The following MAP4K4 variants were observed in gnomAD, a reference collection of about 807,000 sequenced individuals.
MAP4K4 encodes HPK/GCK-like kinase HGK.
In MAP4K4, 38 loss-of-function variants were observed where a neutral mutation model predicts 189.6. The ratio of observed to expected loss-of-function variants is 0.20; its 90% CI spans 0.15 to 0.26. The LOEUF is 0.26. Among genes scored for constraint, MAP4K4 ranks in the 10% least tolerant of loss-of-function variants. The probability of loss-of-function intolerance (pLI) is 1.00; values close to 1 mark genes in which losing one functional copy is unlikely to be tolerated. For synonymous variants in MAP4K4, 610 were observed against 624.3 expected (o/e 0.98, Z 0.34); for missense variants, 1,054 against 1,726.9 (o/e 0.61, Z 6.91).
exon 4 of MAP4K4, chr2:101,823,987 A>G: frequency 6.2e-7 from 1 of 1,610,958 alleles, no homozygotes; most frequent in Non-Finnish European, 8.5e-7. Context: ...CTCATCACAG[A>G]AACATTGCAA....
At chr2:101,762,822 G>A (rs1273253949) in intron 2 of MAP4K4, among the ~76,000 whole-genome samples, 2 of 152,186 alleles carry the variant, frequency 1.3e-5, no homozygotes, top group Admixed American at 6.5e-5. Flanking sequence ...CTGTGTGGGT[G>A]TAATTGGAAC....
intron 18 of MAP4K4, 33 bp from the exon 19 acceptor site, chr2:101,866,395 C>T (rs1200738577): frequency 6.3e-7 from 1 of 1,590,732 alleles, no homozygotes. Context: ...AGAGATGACA[C>T]ATTAGCTGTT....
chr2:101,893,427 G>A, exon 33 of MAP4K4: 1 of 348,278 alleles, frequency 2.9e-6, no homozygotes, highest in South Asian at 2.2e-5. Flanking sequence ...GAGGTAGGCT[G>A]GATTCCATCG....
At chr2:101,831,500 C>T (rs1246347963) in intron 6 of MAP4K4, among the ~76,000 whole-genome samples, 3 of 150,946 alleles carry the variant, frequency 2.0e-5, no homozygotes, top group African/African-American at 7.3e-5. Context: ...CCAGGCCTCA[C>T]AGAAGCTTCC....
rs771535878 is a variant in MAP4K4, at chr2:101,863,964, C to T, written c.2010C>T (p.Leu670=). 2.2e-6 allele frequency: 3 copies of T among 1,367,672 alleles called. No individual in the cohort carries two copies. In the East Asian group the frequency reaches 1.4e-4, roughly 62 times the overall value. The allele number at this position is 1,367,672 out of a possible 1,614,324, so 84.7% of individuals were successfully genotyped here. A position where few individuals can be genotyped will look rare whatever the true frequency, so the allele number is the denominator to read the frequency against. ...GTCCACCTTCCCGCAGTGAGGTGCT[C>T]AGTCAGAGCTCTGACTCTAAGTCAG... Residue 670 remains leucine (L), a synonymous_variant, in exon 17 of 33, where the codon CTC becomes CTT. Coordinates refer to ENST00000324219, the Ensembl canonical transcript of MAP4K4.
exon 17 of MAP4K4, chr2:101,863,888 G>C: frequency 2.2e-6 from 3 of 1,367,674 alleles, no homozygotes; most frequent in Non-Finnish European, 2.9e-6. Context: ...CATTCCTTCA[G>C]TGACCCTTCT....
At chr2:101,874,134 C>G (rs372121417) in exon 26 of MAP4K4, 425 of 1,613,726 alleles carry the variant, frequency 2.6e-4, no homozygotes, top group Non-Finnish European at 3.4e-4. Flanking sequence ...AAGATCCTAC[C>G]CGGAAAGGCT....
At chr2:101,894,060 A>G (rs1370388780) in exon 33 of MAP4K4, 2 of 152,352 alleles carry the variant, frequency 1.3e-5, no homozygotes, top group African/African-American at 4.8e-5. Context: ...TTTCTCCGTT[A>G]AAGATTGGGA....
intron 2 of MAP4K4, among the ~76,000 whole-genome samples, chr2:101,730,947 T>C (rs950715508): frequency 1.3e-5 from 2 of 151,374 alleles, no homozygotes; most frequent in Non-Finnish European, 2.9e-5. Context: ...CTCGGGAGCC[T>C]GCGCAGGAGA....
rs1172300981 is a variant in MAP4K4 at position 101,823,921 on chromosome 2, T to G, written c.181-7T>G. 1.8e-5 allele frequency: 28 copies of G among 1,591,410 alleles called. No individual in the cohort carries two copies. The highest frequency in any genetic ancestry group is 2.4e-5 in the Non-Finnish European group (28 of 1,169,012). ...AGCCACACATTTTATTTTTATTTTT[T>G]CATAAGGATGAAGAGGAAGAAATCA... On this transcript the variant is annotated splice_polypyrimidine_tract_variant and splice_region_variant and intron_variant, in intron 3 of 32. Coordinates refer to ENST00000324219, the Ensembl canonical transcript of MAP4K4.
At chr2:101,699,984 CTGT>C (rs2037371424) in intron 2 of MAP4K4, among the ~76,000 whole-genome samples, 1 of 152,220 alleles carries the variant, frequency 6.6e-6, no homozygotes, top group Non-Finnish European at 1.5e-5. Flanking sequence ...TCTCCCCGGT[CTGT>C]TGTTTGTTTA....
intron 26 of MAP4K4, 80 bp downstream of exon 26, chr2:101,874,332 A>G: frequency 7.6e-7 from 1 of 1,312,744 alleles, no homozygotes; most frequent in Non-Finnish European, 1.1e-6. Context: ...ACTGCATTGA[A>G]TAGTTTGTGG....
chr2:101,889,662 G>A (rs1162641208), intron 32 of MAP4K4, among the ~76,000 whole-genome samples: 1 of 152,116 alleles, frequency 6.6e-6, no homozygotes, highest in Non-Finnish European at 1.5e-5. Flanking sequence ...CTTCTGCCCA[G>A]TCAGACAAAG....
At chr2:101,730,108 G>A (rs1476797440) in intron 2 of MAP4K4, among the ~76,000 whole-genome samples, 1 of 152,158 alleles carries the variant, frequency 6.6e-6, no homozygotes, top group African/African-American at 2.4e-5. Flanking sequence ...GGAAAGTAAA[G>A]GCTTATTATA....
chr2:101,881,009 A>G (rs1412587325), intron 27 of MAP4K4, among the ~76,000 whole-genome samples: 2 of 152,150 alleles, frequency 1.3e-5, no homozygotes, highest in African/African-American at 2.4e-5. Context: ...GATATGTACA[A>G]AATAACTTGG....
At chr2:101,785,007 A>G (rs2089922480) in intron 2 of MAP4K4, among the ~76,000 whole-genome samples, 1 of 152,196 alleles carries the variant, frequency 6.6e-6, no homozygotes, top group South Asian at 2.1e-4. Context: ...AGTAGGGCCA[A>G]CATGGTTCCT....
chr2:101,819,855 C>A (rs909026140), intron 3 of MAP4K4, among the ~76,000 whole-genome samples: 1 of 152,202 alleles, frequency 6.6e-6, no homozygotes, highest in Non-Finnish European at 1.5e-5. Flanking sequence ...GTCGACAGTG[C>A]TTCATGGTTT....
intron 12 of MAP4K4, among the ~76,000 whole-genome samples, chr2:101,845,189 A>T (rs915981467): frequency 2.6e-4 from 22 of 84,362 alleles, no homozygotes; most frequent in Admixed American, 2.4e-3. Context: ...AAATAAAAAT[A>T]AAAAAAAAAA....
intron 2 of MAP4K4, among the ~76,000 whole-genome samples, chr2:101,710,278 G>A (rs2044676587): frequency 6.6e-6 from 1 of 152,206 alleles, no homozygotes; most frequent in Non-Finnish European, 1.5e-5. Flanking sequence ...ATTCCAGTTT[G>A]AACTTGGCAT....
Sources: gnomAD v4.1 joint callset for allele counts (sites outside exome capture counted in the v4.1 genomes callset) on GRCh38, gnomAD v4.1.1 for gene constraint, MANE v1.5 for transcripts, NCBI Gene and HGNC (gene_info 2026-07-23, HGNC 2026-07-21) for gene names.